CDH18: variants seen among roughly 807,000 people sequenced by gnomAD.
The protein encoded by CDH18 is cadherin 18.
A neutral mutation model predicts 67.9 loss-of-function variants in CDH18; 31 were observed. The ratio of observed to expected loss-of-function variants is 0.46; its 90% CI spans 0.34 to 0.62. CDH18 has a LOEUF of 0.62. CDH18 is among the 20% of genes least tolerant of loss of function. CDH18 has a pLI of 0.01. For missense variants in CDH18, 890 were observed against 975.5 expected (o/e 0.91, Z 1.17); for synonymous variants, 362 against 347.2 (o/e 1.04, Z -0.48).
intron 11 of CDH18, among the ~76,000 whole-genome samples, chr5:19,487,367 C>T (rs958420015): frequency 5.3e-5 from 8 of 152,086 alleles, no homozygotes; most frequent in African/African-American, 1.9e-4. Context: ...AGGATGGCTG[C>T]ACTGGAGTAC....
intron 5 of CDH18, among the ~76,000 whole-genome samples, chr5:19,696,580 G>C (rs1261041568): frequency 6.6e-6 from 1 of 151,326 alleles, no homozygotes; most frequent in African/African-American, 2.4e-5. Context: ...ATTTTTAGTA[G>C]AGACGAGGTT....
At chr5:20,087,114 T>G (rs1177612918) in intron 2 of CDH18, among the ~76,000 whole-genome samples, 1 of 152,166 alleles carries the variant, frequency 6.6e-6, no homozygotes, top group Non-Finnish European at 1.5e-5. Context: ...CCAATGCTCA[T>G]GGATGACTTT....
chr5:20,317,139 T>C (rs1024109162), intron 1 of CDH18, among the ~76,000 whole-genome samples: 1 of 152,108 alleles, frequency 6.6e-6, no homozygotes, highest in African/African-American at 2.4e-5. Context: ...TTTTTGCTTT[T>C]GCCTTTAGAA....
At chr5:19,663,667 T>C (rs1389531989) in intron 5 of CDH18, among the ~76,000 whole-genome samples, 1 of 151,990 alleles carries the variant, frequency 6.6e-6, no homozygotes, top group Non-Finnish European at 1.5e-5. Flanking sequence ...GATTTCACTT[T>C]GTATTACTAT....
At chr5:20,154,942 C>T (rs1751409343) in intron 2 of CDH18, among the ~76,000 whole-genome samples, 1 of 152,094 alleles carries the variant, frequency 6.6e-6, no homozygotes. Context: ...TTTTTGTTCC[C>T]ACTACTTACA....
intron 5 of CDH18, among the ~76,000 whole-genome samples, chr5:19,622,981 T>C (rs1315416095): frequency 6.6e-6 from 1 of 152,186 alleles, no homozygotes; most frequent in Non-Finnish European, 1.5e-5. Flanking sequence ...TATGTTTGGT[T>C]TTCTAGATCA....
intron 5 of CDH18, among the ~76,000 whole-genome samples, chr5:19,621,986 A>T (rs934331986): frequency 6.6e-6 from 1 of 152,188 alleles, no homozygotes; most frequent in African/African-American, 2.4e-5. Context: ...GCATTCATGA[A>T]ATCATTCACA....
intron 2 of CDH18, among the ~76,000 whole-genome samples, chr5:20,224,956 T>G (rs1741497381): frequency 6.6e-6 from 1 of 152,090 alleles, no homozygotes; most frequent in South Asian, 2.1e-4. Flanking sequence ...GATTTTATTC[T>G]CTCTCACTCT....
intron 1 of CDH18, among the ~76,000 whole-genome samples, chr5:20,395,449 G>C (rs1419026454): frequency 2.0e-5 from 3 of 152,038 alleles, no homozygotes; most frequent in Non-Finnish European, 4.4e-5. Context: ...GAAATAGAGA[G>C]GGTAGGAAGT....
At chr5:19,693,895 GAAAAA>G (rs11357542) in intron 5 of CDH18, among the ~76,000 whole-genome samples, 2 of 118,952 alleles carry the variant, frequency 1.7e-5, no homozygotes, top group Non-Finnish European at 1.8e-5. Context: ...GACTCTGTCT[GAAAAA>G]AAAAAAAAAA....
At chr5:19,646,459 C>A (rs1238874244) in intron 5 of CDH18, among the ~76,000 whole-genome samples, 1 of 152,106 alleles carries the variant, frequency 6.6e-6, no homozygotes, top group African/African-American at 2.4e-5. Context: ...CCTGCCTCAG[C>A]CTCCTGAGTA....
intron 9 of CDH18, among the ~76,000 whole-genome samples, chr5:19,525,996 T>C (rs1213609615): frequency 6.6e-6 from 1 of 152,174 alleles, no homozygotes; most frequent in African/African-American, 2.4e-5. Context: ...AAATAAAATA[T>C]ATTGAAATCA....
At chr5:19,686,449 T>C (rs190099473) in intron 5 of CDH18, among the ~76,000 whole-genome samples, 1 of 152,234 alleles carries the variant, frequency 6.6e-6, no homozygotes, top group African/African-American at 2.4e-5. Context: ...CAAAATTTGA[T>C]GGAAAGTTGG....
At position 20,539,754 on chromosome 5, in the gene CDH18, ACAAACAC is replaced by A. The variant is rs1561109960; in HGVS notation, c.-580+35701_-580+35707del. 9.2e-4 allele frequency among the ~76,000 whole-genome samples: 122 copies of A among 132,270 alleles called. 1 individual carries two copies. Among genetic ancestry groups the A allele is most frequent in the African/African-American group, 2.8e-3 (109 of 38,250 alleles). The allele number at this position is 132,270 out of a possible 152,430, so 86.8% of individuals were successfully genotyped here. A position where few individuals can be genotyped will look rare whatever the true frequency, so the allele number is the denominator to read the frequency against. ...CCACTACACACACACACACACACACACAAACACACACACACACACACACACACCCTCC... is the reference window on the plus strand; with the variant it reads ...CCACTACACACACACACACACACACAACACACACACACACACACACCCTCC... On this transcript the variant is annotated intron_variant, in intron 1 of 14. Coordinates refer to the CDH18 transcript ENST00000507958.
chr5:20,269,975 A>G (rs1745318168), intron 1 of CDH18, among the ~76,000 whole-genome samples: 1 of 152,130 alleles, frequency 6.6e-6, no homozygotes, highest in Non-Finnish European at 1.5e-5. Flanking sequence ...GTCACCTATG[A>G]AGCAAGCCTG....
intron 2 of CDH18, among the ~76,000 whole-genome samples, chr5:19,954,099 A>G (rs1796041814): frequency 6.6e-6 from 1 of 152,072 alleles, no homozygotes; most frequent in African/African-American, 2.4e-5. Context: ...TATTTTCTGT[A>G]CTTACTAAAT....
At chr5:19,832,968 G>C (rs767464007) in intron 3 of CDH18, among the ~76,000 whole-genome samples, 3 of 151,946 alleles carry the variant, frequency 2.0e-5, no homozygotes, top group Non-Finnish European at 4.4e-5. Flanking sequence ...GATGCCTCTA[G>C]CTTTGTTCTT....
intron 2 of CDH18, among the ~76,000 whole-genome samples, chr5:20,084,013 G>GT (rs1744720273): frequency 6.6e-6 from 1 of 151,760 alleles, no homozygotes; most frequent in Non-Finnish European, 1.5e-5. Context: ...TTCAAAACCA[G>GT]TTATGCCTTC....
chr5:19,719,888 G>A (rs1048992569), intron 5 of CDH18, among the ~76,000 whole-genome samples: 4 of 138,002 alleles, frequency 2.9e-5, no homozygotes, highest in Non-Finnish European at 6.2e-5. Context: ...GAGAAAGAAA[G>A]AAAGAGTTAA....
Sources: allele counts gnomAD v4.1 joint callset (sites outside exome capture counted in the v4.1 genomes callset), GRCh38; gene constraint gnomAD v4.1.1; transcripts MANE v1.5; gene names NCBI Gene and HGNC (gene_info 2026-07-23, HGNC 2026-07-21).